B3GNT6: variants seen among roughly 807,000 people sequenced by gnomAD.
The protein encoded by B3GNT6 is UDP-GlcNAc:betaGal beta-1,3-N-acetylglucosaminyltransferase 6, also known as acetylgalactosaminyl-O-glycosyl-glycoprotein beta-1,3-N-acetylglucosaminyltransferase.
For missense variants in B3GNT6, 624 were observed against 568.6 expected (o/e 1.10, Z -0.99); for synonymous variants, 300 against 270.0 (o/e 1.11, Z -1.09).
rs782164686 is a variant in B3GNT6, at chr11:77,040,679, C to T, written c.1128C>T (p.Ser376=). The T allele has an allele frequency of 1.3e-6, 2 of 1,589,846 alleles. No homozygotes were observed. Among genetic ancestry groups the T allele is most frequent in the Admixed American group, 1.7e-5 (1 of 58,938 alleles). ...AGGCGCTGCACAGCCCCGCGCTCAG[C>T]TGTGACCGGGGACACCGGGTCTCCT... The part of the protein sequence containing the change: ...MWKALHSPAL[S]CDRGHRVS Residue 376 remains serine, a synonymous_variant, in exon 2 of 2, where the codon AGC becomes AGT. Transcript: ENST00000622824.
chr11:77,034,966 C>G lies in B3GNT6; in HGVS notation c.-1+488C>G, dbSNP rs956850432. On this transcript the variant is annotated intron_variant, in intron 1 of 1. Transcript: ENST00000622824. ...CTGAGGTCAGGAGTTCGAGACCAGC[C>G]TCGCAAACATGGTAAAACCTCATCT... Among the ~76,000 whole-genome samples the G allele has an allele frequency of 5.9e-5, 9 of 152,282 alleles. No individual in the cohort carries two copies. In the South Asian group the frequency reaches 1.9e-3, roughly 32 times the overall value.
chr11:77,038,171 G>A (rs1949653444), intron 1 of B3GNT6, among the ~76,000 whole-genome samples: 1 of 141,152 alleles, frequency 7.1e-6, no homozygotes, highest in Non-Finnish European at 1.6e-5. Context: ...AAGAGGAGGA[G>A]GAGGTTATTA....
intron 1 of B3GNT6, among the ~76,000 whole-genome samples, chr11:77,037,986 GA>G (rs1949647010): frequency 5.3e-5 from 1 of 18,846 alleles, no homozygotes; most frequent in Non-Finnish European, 1.0e-4. Flanking sequence ...GGAGGGGGAA[GA>G]GGGAGGAGGA....
At chr11:77,038,181 A>G (rs2135376901) in intron 1 of B3GNT6, among the ~76,000 whole-genome samples, 1 of 143,946 alleles carries the variant, frequency 6.9e-6, no homozygotes, top group African/African-American at 2.6e-5. Context: ...GGAGGTTATT[A>G]GAGAGGGGGA....
chr11:77,038,388 C>T (rs1949655623), intron 1 of B3GNT6, among the ~76,000 whole-genome samples: 1 of 107,436 alleles, frequency 9.3e-6, no homozygotes, highest in Admixed American at 9.1e-5. Flanking sequence ...AGTGGGAACC[C>T]GTCTCTACAG....
In B3GNT6 at chr11:77,041,296, C is replaced by G. The variant is rs74455067; in HGVS notation, c.*590C>G. 7,514 of 152,598 alleles carry G rather than the reference C, an allele frequency of 0.049. 222 individuals are homozygous for G. Among genetic ancestry groups the G allele is most frequent in the East Asian group, 0.076 (393 of 5,188 alleles). 9.5% of individuals were successfully genotyped at this position (152,598 alleles called of 1,614,324 possible). On this transcript the variant is annotated 3_prime_UTR_variant, in exon 2 of 2. Transcript: ENST00000622824. ...TTCTTCCCACCACTACCCCAGTACACCGTGAGGTAGAAATCTTCACCGTGC... is the reference window on the plus strand; with the variant it reads ...TTCTTCCCACCACTACCCCAGTACAGCGTGAGGTAGAAATCTTCACCGTGC...
In B3GNT6 at chr11:77,039,894, C is replaced by T. The variant is rs781972937; in HGVS notation, c.343C>T (p.Arg115Ter). 1.9e-6 allele frequency: 3 copies of T among 1,591,162 alleles called. No individual in the cohort carries two copies. The highest frequency in any genetic ancestry group is 2.7e-5 in the African/African-American group (2 of 74,344). The stretch of plus-strand genomic sequence containing the variant: ...CGCACCGGCCAAGTGCGCCGGCGGC[C>T]GAGGCGTGTTCCTGCTCCTGGCGGT... ...WDAPAKCAGG[R>*]GVFLLLAVKS... is the part of the protein sequence containing the mutation. The change falls in exon 2 of 2, where the codon CGA becomes TGA. Residue 115 changes from arginine to a stop codon, truncating the protein, a stop_gained. Transcript: ENST00000622824. LOFTEE classifies it low-confidence loss of function (END_TRUNC).
Position 77,040,688 on chromosome 11 carries a change from G to T in B3GNT6, c.1137G>T (p.Arg379=). 6.3e-7 allele frequency: 1 copy of T among 1,582,886 alleles called. No individual in the cohort carries two copies. Among genetic ancestry groups the T allele is most frequent in the East Asian group, 2.2e-5 (1 of 44,500 alleles). The change falls in exon 2 of 2, where the codon CGG becomes CGT. Residue 379 remains arginine (R), a synonymous_variant. Coordinates refer to ENST00000622824, the MANE Select transcript of B3GNT6 (RefSeq NM_138706.5). ...ALHSPALSCD[R]GHRVS The stretch of plus-strand genomic sequence containing the variant: ...ACAGCCCCGCGCTCAGCTGTGACCG[G>T]GGACACCGGGTCTCCTGAGGCCAGT...
In B3GNT6 at chr11:77,039,923, G is replaced by A; in HGVS notation, c.372G>A (p.Lys124=). The A allele has an allele frequency of 6.3e-7, 1 of 1,593,048 alleles. No individual in the cohort carries two copies. The highest frequency in any genetic ancestry group is 8.5e-7 in the Non-Finnish European group (1 of 1,177,060). The change falls in exon 2 of 2, where the codon AAG becomes AAA. Residue 124 remains lysine (K), a synonymous_variant. Transcript: ENST00000622824. ...GCGTGTTCCTGCTCCTGGCGGTGAAGTCGGCGCCTGAGCACTACGAGCGAC... is the reference window on the plus strand; with the variant it reads ...GCGTGTTCCTGCTCCTGGCGGTGAAATCGGCGCCTGAGCACTACGAGCGAC... ...GRGVFLLLAV[K]SAPEHYERRE...
chr11:77,039,656 G>T lies in B3GNT6; in HGVS notation c.105G>T (p.Arg35Ser), dbSNP rs368190517. The change falls in exon 2 of 2, where the codon AGG (arginine) becomes AGT (serine). Residue 35 changes from arginine (R) to serine (S), a missense_variant. Physicochemically the swap from Arg to Ser is moderately radical, Grantham distance 110. Transcript: ENST00000622824. ...AGCAGTGGTTCCTCCAGGCGCCAAGGTCCCCGCGGGAGGAGAGGTCCCCGC... is the reference window on the plus strand; with the variant it reads ...AGCAGTGGTTCCTCCAGGCGCCAAGTTCCCCGCGGGAGGAGAGGTCCCCGC... ...ALQQWFLQAP[R>S]SPREERSPQE... 43 of 1,613,068 alleles carry T rather than the reference G, an allele frequency of 2.7e-5. No homozygotes were observed. In the African/African-American group the frequency reaches 5.2e-4, roughly 20 times the overall value.
At chr11:77,039,401 A>C in intron 1 of B3GNT6, 151 bp from the exon 2 acceptor site, 40 of 1,437,004 alleles carry the variant, frequency 2.8e-5, no homozygotes, top group Non-Finnish European at 3.5e-5. Context: ...CGTCAGTGTA[A>C]TCTTGGATTT....
At position 77,040,066 on chromosome 11, in the gene B3GNT6, CGGAGCTGGTGGCGCT is replaced by C; in HGVS notation, c.520_534del (p.Leu174_Glu178del). On this transcript the variant is annotated inframe_deletion, in exon 2 of 2. Transcript: ENST00000622824. ...GACGAGGCGCGCGCGGAGCGGCTGG[CGGAGCTGGTGGCGCT>C]GGAGGCGCGCGAGCACGGCGACGTG... 6.4e-7 allele frequency: 1 copy of C among 1,565,500 alleles called. No homozygotes were observed. Among genetic ancestry groups the C allele is most frequent in the Non-Finnish European group, 8.6e-7 (1 of 1,167,204 alleles).
Position 77,040,459 on chromosome 11 carries a change from C to G in B3GNT6, c.908C>G (p.Pro303Arg), listed in dbSNP as rs1441134271. Residue 303 changes from proline to arginine, a missense_variant, in exon 2 of 2, where the codon CCG becomes CGG. Transcript: ENST00000622824. ...CTGCGCGCGGCCGCCCGCCACACCC[C>G]GCTCTTCCCCATCGACGACGCCTAC... ...RALRAAARHT[P>R]LFPIDDAYMG... 4.6e-6 allele frequency: 7 copies of G among 1,535,948 alleles called. No individual in the cohort carries two copies. Among genetic ancestry groups the G allele is most frequent in the Admixed American group, 2.0e-5 (1 of 50,934 alleles).
chr11:77,038,419 T>G (rs543701013), intron 1 of B3GNT6, among the ~76,000 whole-genome samples: 86 of 136,420 alleles, frequency 6.3e-4, no homozygotes, highest in African/African-American at 2.4e-3. Flanking sequence ...AAAAAAAAAT[T>G]TAATGACCCA....
chr11:77,036,817 G>A (rs1949636187), intron 1 of B3GNT6, among the ~76,000 whole-genome samples: 1 of 152,198 alleles, frequency 6.6e-6, no homozygotes, highest in South Asian at 2.1e-4. Flanking sequence ...CAACGGTGAA[G>A]ACTGGTGTGA....
intron 1 of B3GNT6, chr11:77,037,097 G>A (rs1474756964): frequency 6.6e-6 from 1 of 152,354 alleles, no homozygotes; most frequent in Non-Finnish European, 1.5e-5. Flanking sequence ...CTGAGGGCAA[G>A]GCCAGGTGGA....
Position 77,040,730 on chromosome 11 carries a change from C to T in B3GNT6, c.*24C>T, listed in dbSNP as rs896604110. On this transcript the variant is annotated 3_prime_UTR_variant, in exon 2 of 2. Coordinates refer to ENST00000622824, the MANE Select transcript of B3GNT6 (RefSeq NM_138706.5). ...GAGGCCAGTTGGGCGGCTTCAGCCC[C>T]GGGCCTCCAACCATGTCCATGCTGA... The T allele has an allele frequency of 1.2e-5, 19 of 1,540,884 alleles. No individual in the cohort carries two copies. The highest frequency in any genetic ancestry group is 2.1e-4 in the Middle Eastern group (1 of 4,806).
At chr11:77,038,281 G>A (rs761126165) in intron 1 of B3GNT6, among the ~76,000 whole-genome samples, 4 of 149,494 alleles carry the variant, frequency 2.7e-5, no homozygotes, top group Admixed American at 6.6e-5. Flanking sequence ...GAGAAGGAAC[G>A]GGGCACAGTG....
intron 1 of B3GNT6, among the ~76,000 whole-genome samples, chr11:77,038,958 CG>C (rs1454926880): frequency 1.3e-5 from 2 of 152,168 alleles, no homozygotes; most frequent in African/African-American, 2.4e-5. Context: ...ACCCAGCCAT[CG>C]GAACTGACTG....
Sources: allele counts gnomAD v4.1 joint callset (sites outside exome capture counted in the v4.1 genomes callset), GRCh38; gene constraint gnomAD v4.1.1; transcripts MANE v1.5; gene names NCBI Gene and HGNC (gene_info 2026-07-23, HGNC 2026-07-21).